The following ZNF804B variants were observed in gnomAD, a reference collection of about 807,000 sequenced individuals.
ZNF804B encodes the protein zinc finger 804B.
In ZNF804B, 80 loss-of-function variants were observed where a neutral mutation model predicts 101.4. That is an observed-to-expected ratio of 0.79 (90% CI 0.66 to 0.95). The LOEUF is 0.95. Ranked by LOEUF, ZNF804B falls within the 40% of genes least tolerant of loss-of-function variation. ZNF804B has a pLI of 0.00. For missense variants in ZNF804B, 1,673 were observed against 1,561.9 expected, an observed-to-expected ratio of 1.07 and a Z score of -1.20; for synonymous variants, 622 against 558.8, an observed-to-expected ratio of 1.11 and a Z score of -1.59.
intron 1 of ZNF804B, among the ~76,000 whole-genome samples, chr7:88,782,102 C>A (rs73198633): frequency 7.0e-6 from 1 of 141,992 alleles, no homozygotes; most frequent in East Asian, 2.0e-4. Flanking sequence ...TGTGTGAGTG[C>A]GTGTGTGTGT....
intron 1 of ZNF804B, among the ~76,000 whole-genome samples, chr7:89,157,404 T>A (rs1044482530): frequency 6.6e-6 from 1 of 152,326 alleles, no homozygotes; most frequent in African/African-American, 2.4e-5. Context: ...TTTCTTTTTA[T>A]AAGTTGTAAA....
rs567194982 is a variant in ZNF804B at position 89,087,217 on chromosome 7, G to A, written c.109-130938G>A. 2.0e-5 allele frequency among the ~76,000 whole-genome samples: 3 copies of A among 151,900 alleles called. No individual in the cohort carries two copies. In the South Asian group the frequency reaches 6.2e-4, roughly 32 times the overall value. On this transcript the variant is annotated intron_variant, in intron 1 of 3. Transcript: ENST00000333190. The stretch of plus-strand genomic sequence containing the variant: ...CGTAACTAAGAGTTTTAAAGCATAA[G>A]TATGAAAATAAGTAAGACAAACAGT...
intron 2 of ZNF804B, among the ~76,000 whole-genome samples, chr7:89,287,455 TG>T (rs1430925282): frequency 3.3e-5 from 5 of 152,314 alleles, no homozygotes; most frequent in Non-Finnish European, 5.9e-5. Flanking sequence ...CTGAAGGTTG[TG>T]GTGCCAAAAA....
chr7:89,335,591 G>A lies in ZNF804B; in HGVS notation c.2609G>A (p.Arg870Lys), dbSNP rs1222692836. 6.2e-7 allele frequency: 1 copy of A among 1,613,912 alleles called. No homozygotes were observed. The highest frequency in any genetic ancestry group is 1.1e-5 in the South Asian group (1 of 91,090). ...EKMYYLNKSK[R>K]NQESLGSPHI... ...ATGTATTACTTGAATAAAAGCAAGA[G>A]AAATCAAGAGTCTTTGGGCAGCCCT... is the stretch of plus-strand genomic sequence containing the variant. The change falls in exon 4 of 4, where the codon AGA becomes AAA. Residue 870 changes from arginine to lysine, a missense_variant. Transcript: ENST00000333190.
At chr7:88,770,480 C>T (rs767504562) in intron 1 of ZNF804B, among the ~76,000 whole-genome samples, 9 of 152,176 alleles carry the variant, frequency 5.9e-5, no homozygotes, top group Non-Finnish European at 8.8e-5. Flanking sequence ...AAATCACAGC[C>T]TTACTAACAT....
intron 1 of ZNF804B, among the ~76,000 whole-genome samples, chr7:88,911,832 A>G (rs1015280821): frequency 3.3e-5 from 5 of 151,724 alleles, no homozygotes; most frequent in Non-Finnish European, 7.4e-5. Flanking sequence ...TTTTGTTGTT[A>G]TAAGATTAGT....
intron 1 of ZNF804B, among the ~76,000 whole-genome samples, chr7:89,036,310 T>C (rs1325628237): frequency 2.0e-5 from 3 of 151,600 alleles, no homozygotes; most frequent in African/African-American, 7.3e-5. Flanking sequence ...TTGTAAGAAT[T>C]GCAGGTAATA....
intron 2 of ZNF804B, among the ~76,000 whole-genome samples, chr7:89,305,739 C>CT (rs993900082): frequency 2.0e-5 from 3 of 151,430 alleles, no homozygotes; most frequent in East Asian, 3.9e-4. Context: ...TTTGTAAATT[C>CT]TTTTTTTTCC....
At chr7:88,853,975 C>T (rs1454438539) in intron 1 of ZNF804B, among the ~76,000 whole-genome samples, 1 of 152,008 alleles carries the variant, frequency 6.6e-6, no homozygotes, top group Non-Finnish European at 1.5e-5. Flanking sequence ...GTTTAAAAAC[C>T]ACAAATTCCA....
At chr7:89,231,552 A>G (rs1360424292) in intron 2 of ZNF804B, among the ~76,000 whole-genome samples, 1 of 152,052 alleles carries the variant, frequency 6.6e-6, no homozygotes, top group Admixed American at 6.5e-5. Flanking sequence ...TTAATCCTTA[A>G]CCATATTGAG....
At chr7:89,258,694 C>T (rs192518586) in intron 2 of ZNF804B, among the ~76,000 whole-genome samples, 20 of 152,152 alleles carry the variant, frequency 1.3e-4, no homozygotes, top group Admixed American at 5.2e-4. Context: ...CAAGCCTTAA[C>T]AATAACATAA....
intron 1 of ZNF804B, among the ~76,000 whole-genome samples, chr7:89,203,012 CACACACACAT>C (rs923252357): frequency 1.8e-4 from 27 of 152,136 alleles, no homozygotes; most frequent in African/African-American, 6.0e-4. Context: ...ACACAGCACA[CACACACACAT>C]ACACACACAT....
intron 1 of ZNF804B, among the ~76,000 whole-genome samples, chr7:89,099,729 G>A (rs915848830): frequency 1.6e-4 from 24 of 152,130 alleles, no homozygotes; most frequent in African/African-American, 5.8e-4. Flanking sequence ...ATCCCATCTA[G>A]GTGAACTTGT....
At position 89,327,381 on chromosome 7, in the gene ZNF804B, A is replaced by G; in HGVS notation, c.287A>G (p.Asn96Ser). ...TTAAAGCAACGGGAATTTGCTCGAA[A>G]TGTAGCTTCTAAGTCATGGAAAGAT... is the stretch of plus-strand genomic sequence containing the variant. ...KELKQREFARNVASKSWKDEK... is the reference protein window; with the variant it reads ...KELKQREFARSVASKSWKDEK... Residue 96 changes from asparagine (N) to serine (S), a missense_variant, in exon 3 of 4, where the codon AAT becomes AGT. Transcript: ENST00000333190. 2 of 1,609,262 alleles carry G rather than the reference A, an allele frequency of 1.2e-6. No homozygotes were observed. Among genetic ancestry groups the G allele is most frequent in the Non-Finnish European group, 1.7e-6 (2 of 1,177,920 alleles).
At chr7:89,136,931 G>T (rs1379912273) in intron 1 of ZNF804B, among the ~76,000 whole-genome samples, 1 of 152,010 alleles carries the variant, frequency 6.6e-6, no homozygotes, top group Non-Finnish European at 1.5e-5. Flanking sequence ...ATGGCTTTGT[G>T]AGGCAGAGCT....
intron 2 of ZNF804B, among the ~76,000 whole-genome samples, chr7:89,255,650 A>T (rs939525941): frequency 1.3e-5 from 2 of 152,224 alleles, no homozygotes; most frequent in African/African-American, 4.8e-5. Flanking sequence ...AGAGTATAGG[A>T]AAATATCTTT....
chr7:89,109,791 G>T (rs1468182380), intron 1 of ZNF804B, among the ~76,000 whole-genome samples: 2 of 151,928 alleles, frequency 1.3e-5, no homozygotes, highest in East Asian at 1.9e-4. Context: ...TTTTTATTTT[G>T]CTCTTTTCTG....
At chr7:89,036,080 G>T (rs538122386) in intron 1 of ZNF804B, among the ~76,000 whole-genome samples, 1 of 148,508 alleles carries the variant, frequency 6.7e-6, no homozygotes, top group African/African-American at 2.5e-5. Flanking sequence ...ACAGTATGTG[G>T]TACCTGCAGT....
At chr7:89,214,023 G>A (rs34811083) in intron 1 of ZNF804B, among the ~76,000 whole-genome samples, 36,824 of 151,938 alleles carry the variant, frequency 0.24, 4,706 homozygotes, top group Non-Finnish European at 0.28. Flanking sequence ...AAAAACATAC[G>A]TGTTTTACGC....
Sources: gnomAD v4.1 joint callset for allele counts (sites outside exome capture counted in the v4.1 genomes callset) on GRCh38, gnomAD v4.1.1 for gene constraint, MANE v1.5 for transcripts, NCBI Gene and HGNC (gene_info 2026-07-23, HGNC 2026-07-21) for gene names.